Variants in STK32B observed in about 807,000 individuals in gnomAD.
STK32B encodes the protein serine/threonine-protein kinase 32B.
STK32B carries 43 observed loss-of-function variants against 52.6 expected under a neutral mutation model. That is an observed-to-expected ratio of 0.82 (90% confidence interval 0.64 to 1.05). The LOEUF is 1.05. Among genes scored for constraint, STK32B ranks in the 50% least tolerant of loss-of-function variants. STK32B has a pLI of 0.00. For synonymous variants in STK32B, 238 were observed against 204.3 expected (o/e 1.17, Z -1.41); for missense variants, 621 against 534.6 (o/e 1.16, Z -1.59).
chr4:5,479,275 A>G (rs1386184347), intron 11 of STK32B, among the ~76,000 whole-genome samples: 2 of 150,334 alleles, frequency 1.3e-5, no homozygotes, highest in Non-Finnish European at 3.0e-5. Flanking sequence ...GCCCACCACC[A>G]CGCCCAGCTA....
chr4:5,221,265 T>C (rs1723519056), intron 3 of STK32B, among the ~76,000 whole-genome samples: 1 of 152,216 alleles, frequency 6.6e-6, no homozygotes, highest in Non-Finnish European at 1.5e-5. Context: ...TAGAATGAAC[T>C]ATATTCTTCA....
rs563547633 is a variant in STK32B, at chr4:5,500,818, G to T, written c.*1735G>T. 5 of 152,138 alleles carry T rather than the reference G, an allele frequency of 3.3e-5. No individual in the cohort carries two copies. In the East Asian group the frequency reaches 5.8e-4, roughly 18 times the overall value. The allele number at this position is 152,138 out of a possible 1,614,324, so 9.4% of individuals were successfully genotyped here. A position where few individuals can be genotyped will look rare whatever the true frequency, so the allele number is the denominator to read the frequency against. On this transcript the variant is annotated 3_prime_UTR_variant, in exon 12 of 12. Transcript: ENST00000282908. ...TCCCCACCTCCCCCAGGAAATAAGGGGCCTGCTCCTCTCCCTACTGTGACC... is the reference window on the plus strand; with the variant it reads ...TCCCCACCTCCCCCAGGAAATAAGGTGCCTGCTCCTCTCCCTACTGTGACC...
chr4:5,157,650 T>A (rs1717969809), intron 2 of STK32B, among the ~76,000 whole-genome samples: 1 of 152,254 alleles, frequency 6.6e-6, no homozygotes, highest in Non-Finnish European at 1.5e-5. Context: ...TGTAGCAGGC[T>A]GTGTATCTCC....
At chr4:5,093,837 A>G (rs1320985220) in intron 1 of STK32B, among the ~76,000 whole-genome samples, 1 of 152,206 alleles carries the variant, frequency 6.6e-6, no homozygotes, top group Non-Finnish European at 1.5e-5. Flanking sequence ...GTTTAGTGCA[A>G]TACTTTGGAA....
At chr4:5,223,531 C>A (rs993596077) in intron 3 of STK32B, among the ~76,000 whole-genome samples, 7 of 152,110 alleles carry the variant, frequency 4.6e-5, no homozygotes, top group Non-Finnish European at 1.0e-4. Flanking sequence ...AGATTATTCT[C>A]AGCCAGGCGC....
chr4:5,092,579 T>C (rs1713150434), intron 1 of STK32B, among the ~76,000 whole-genome samples: 1 of 151,878 alleles, frequency 6.6e-6, no homozygotes, highest in South Asian at 2.1e-4. Flanking sequence ...CCGGGTAATT[T>C]ATAAAGACAA....
intron 4 of STK32B, among the ~76,000 whole-genome samples, chr4:5,389,003 A>G (rs1410229810): frequency 1.3e-5 from 2 of 152,218 alleles, no homozygotes; most frequent in Admixed American, 6.5e-5. Flanking sequence ...AGGATTAAAA[A>G]AAAATCAGCA....
intron 4 of STK32B, among the ~76,000 whole-genome samples, chr4:5,372,656 C>G (rs1735324115): frequency 6.6e-6 from 1 of 150,694 alleles, no homozygotes; most frequent in Non-Finnish European, 1.5e-5. Flanking sequence ...TCAGCTCTAC[C>G]TGTATCATTA....
At chr4:5,351,849 C>T (rs1171249618) in intron 4 of STK32B, among the ~76,000 whole-genome samples, 2 of 151,678 alleles carry the variant, frequency 1.3e-5, no homozygotes, top group Admixed American at 6.6e-5. Flanking sequence ...AACTAAAAAA[C>T]CTAAAGGAGA....
intron 3 of STK32B, among the ~76,000 whole-genome samples, chr4:5,190,543 T>C (rs1466158679): frequency 6.6e-6 from 1 of 152,184 alleles, no homozygotes; most frequent in African/African-American, 2.4e-5. Context: ...TACTATGTAC[T>C]GGGCACTGTC....
At chr4:5,387,695 C>A (rs992653111) in intron 4 of STK32B, among the ~76,000 whole-genome samples, 6 of 152,144 alleles carry the variant, frequency 3.9e-5, no homozygotes, top group African/African-American at 1.4e-4. Flanking sequence ...GGAAGAGCAC[C>A]AGATGGGCAT....
intron 3 of STK32B, among the ~76,000 whole-genome samples, chr4:5,222,871 G>A (rs1723628478): frequency 6.6e-6 from 1 of 152,178 alleles, no homozygotes; most frequent in Non-Finnish European, 1.5e-5. Flanking sequence ...CATTTGATAA[G>A]AAGATTAGTA....
chr4:5,332,475 CTTTTTA>C (rs1732330454), intron 4 of STK32B, among the ~76,000 whole-genome samples: 9 of 152,014 alleles, frequency 5.9e-5, no homozygotes, highest in Admixed American at 5.2e-4. Flanking sequence ...TTGAAAACTT[CTTTTTA>C]TTTTTATTTT....
At chr4:5,466,582 A>T (rs1263185072) in intron 9 of STK32B, 121 bp from the exon 10 acceptor site, 1 of 1,307,112 alleles carries the variant, frequency 7.7e-7, no homozygotes, top group African/African-American at 1.5e-5. Flanking sequence ...TAACCCGTGT[A>T]TCCAACAAGA....
At chr4:5,189,026 AG>A (rs1453138655) in intron 3 of STK32B, among the ~76,000 whole-genome samples, 1 of 131,522 alleles carries the variant, frequency 7.6e-6, no homozygotes, top group African/African-American at 3.2e-5. Flanking sequence ...AAAAAAAAAA[AG>A]AAAAACAGAT....
chr4:5,146,130 G>A (rs1251151422), intron 2 of STK32B, among the ~76,000 whole-genome samples: 1 of 147,314 alleles, frequency 6.8e-6, no homozygotes, highest in African/African-American at 2.5e-5. Flanking sequence ...TACGACGATT[G>A]TCTAGAGGGA....
At chr4:5,086,450 A>G (rs1712735382) in intron 1 of STK32B, among the ~76,000 whole-genome samples, 2 of 152,236 alleles carry the variant, frequency 1.3e-5, no homozygotes, top group South Asian at 4.1e-4. Flanking sequence ...AGAGAAATGA[A>G]CAAAGTCTTA....
Position 5,467,889 on chromosome 4 carries a change from CG to C in STK32B, c.1042-115del. 1 of 1,171,792 alleles carries C rather than the reference CG, an allele frequency of 8.5e-7. No individual in the cohort carries two copies. The highest frequency in any genetic ancestry group is 1.5e-5 in the African/African-American group (1 of 66,656). The allele number at this position is 1,171,792 out of a possible 1,614,324, so 72.6% of individuals were successfully genotyped here. ...CCCAGACACTTAGCTTGGCTTGTCC[CG>C]GTCCCAAGCATCTGAGGTTTCCATC... On this transcript the variant is annotated intron_variant, in intron 10 of 11. Transcript: ENST00000282908. The surrounding 1 kb of genome is among the most constrained non-coding windows in gnomAD (Gnocchi z 5.8).
chr4:5,105,196 G>A (rs1714034952), intron 1 of STK32B, among the ~76,000 whole-genome samples: 1 of 152,146 alleles, frequency 6.6e-6, no homozygotes, highest in South Asian at 2.1e-4. Flanking sequence ...AAGGCTGGGT[G>A]CAGTGGCTCA....
Sources: allele counts gnomAD v4.1 joint callset (sites outside exome capture counted in the v4.1 genomes callset), GRCh38; gene constraint gnomAD v4.1.1; non-coding constraint Gnocchi (gnomAD v3.1); transcripts MANE v1.5; gene names NCBI Gene and HGNC (gene_info 2026-07-23, HGNC 2026-07-21).